NUMA1: variants seen among roughly 807,000 people sequenced by gnomAD.
NUMA1 encodes the protein nuclear mitotic apparatus protein 1, also known as SP-H antigen.
NUMA1 carries 62 observed loss-of-function variants against 237.1 expected under a neutral mutation model. That is an observed-to-expected ratio of 0.26 (90% CI 0.21 to 0.32). NUMA1 has a LOEUF of 0.32. Ranked by LOEUF, NUMA1 falls within the 10% of genes least tolerant of loss-of-function variation. NUMA1 has a pLI of 1.00. For missense variants in NUMA1, 2,533 were observed against 2,666.5 expected, an observed-to-expected ratio of 0.95 and a Z score of 1.10; for synonymous variants, 1,028 against 1,066.1, an observed-to-expected ratio of 0.96 and a Z score of 0.70.
In NUMA1 at chr11:72,004,827, G is replaced by A. The variant is rs745523375; in HGVS notation, c.5830-11C>T. 6 of 1,556,346 alleles carry A rather than the reference G, an allele frequency of 3.9e-6. No homozygotes were observed. In the Middle Eastern group the frequency reaches 5.3e-4, roughly 136 times the overall value. ...CAGGCTCAGGGAAGGCTGCATGGGT[G>A]GAAGAGGTGGTCAGTGGACCATAGC... On this transcript the variant is annotated splice_polypyrimidine_tract_variant and intron_variant, in intron 23 of 26. Coordinates refer to ENST00000393695, the MANE Select transcript of NUMA1 (RefSeq NM_006185.4).
intron 5 of NUMA1, among the ~76,000 whole-genome samples, chr11:72,023,379 G>A (rs568508723): frequency 2.0e-5 from 3 of 152,224 alleles, no homozygotes; most frequent in Admixed American, 2.0e-4. Flanking sequence ...AGCAGCCTCG[G>A]AATTCACAGC....
At position 72,056,524 on chromosome 11, in the gene NUMA1, G is replaced by A. The variant is rs181447984; in HGVS notation, c.-33+13318C>T. Among the ~76,000 whole-genome samples, 1,186 of 150,528 alleles carry A rather than the reference G, an allele frequency of 7.9e-3. 11 individuals are homozygous for A. The highest frequency in any genetic ancestry group is 0.028 in the African/African-American group (1,132 of 40,916). On this transcript the variant is annotated intron_variant, in intron 2 of 26. Transcript: ENST00000393695. Reference sequence around the variant, plus strand: ...TTTAGTAGGGACAGGGTTTTACTATGTTGGCCAGGCTGGTCTTGAACTCCT... The same window carrying A: ...TTTAGTAGGGACAGGGTTTTACTATATTGGCCAGGCTGGTCTTGAACTCCT...
At chr11:72,037,225 G>A (rs1260489298) in intron 2 of NUMA1, among the ~76,000 whole-genome samples, 4 of 152,174 alleles carry the variant, frequency 2.6e-5, no homozygotes, top group Admixed American at 1.3e-4. Flanking sequence ...GATCATCCTC[G>A]CTGGGAGCAG....
Position 72,013,134 on chromosome 11 carries a change from G to A in NUMA1, c.4369C>T (p.Arg1457Trp), listed in dbSNP as rs758505992. The part of the protein sequence containing the change: ...LAEENRGLGE[R>W]ANLGRQFLEV... ...AGAAACTGCCGGCCAAGGTTGGCCC[G>A]CTCACCCAGCCCCCGGTTCTCCTCT... is the stretch of plus-strand genomic sequence containing the variant. The change falls in exon 15 of 27, where the codon CGG becomes TGG. Residue 1457 changes from arginine to tryptophan, a missense_variant. Around this residue, in one of 3 missense-constraint regions of NUMA1, gnomAD observed 324 missense variants for 407.6 expected, o/e 0.79. Coordinates refer to ENST00000393695, the MANE Select transcript of NUMA1 (RefSeq NM_006185.4). The surrounding 1 kb of genome is among the most constrained non-coding windows in gnomAD (Gnocchi z 6.8). 5 of 1,614,080 alleles carry A rather than the reference G, an allele frequency of 3.1e-6. No individual in the cohort carries two copies. The highest frequency in any genetic ancestry group is 3.4e-6 in the Non-Finnish European group (4 of 1,180,036).
chr11:72,058,320 T>C (rs1942772654), intron 2 of NUMA1, among the ~76,000 whole-genome samples: 2 of 152,360 alleles, frequency 1.3e-5, no homozygotes, highest in South Asian at 4.1e-4. Context: ...AGGGTTTTGT[T>C]GTTCTCTGTT....
At chr11:72,059,728 A>T (rs956783392) in intron 2 of NUMA1, among the ~76,000 whole-genome samples, 1 of 152,238 alleles carries the variant, frequency 6.6e-6, no homozygotes, top group Non-Finnish European at 1.5e-5. Flanking sequence ...CTAATTTTAC[A>T]CACAAGCTAA....
chr11:72,069,863 C>G lies in NUMA1; in HGVS notation c.-54G>C, dbSNP rs1162845960. On this transcript the variant is annotated 5_prime_UTR_variant, in exon 2 of 27. Transcript: ENST00000393695. ...TTACCTCCTGGTGGAAGCCTCCACA[C>G]ACTAGAACAGGGTGATCTCCAGCAG... is the stretch of plus-strand genomic sequence containing the variant. 6.6e-6 allele frequency: 1 copy of G among 152,232 alleles called. No individual in the cohort carries two copies. The highest frequency in any genetic ancestry group is 2.4e-5 in the African/African-American group (1 of 41,412). The allele number at this position is 152,232 out of a possible 1,614,324, so 9.4% of individuals were successfully genotyped here. A position where few individuals can be genotyped will look rare whatever the true frequency, so the allele number is the denominator to read the frequency against.
At position 72,006,037 on chromosome 11, in the gene NUMA1, G is replaced by A. The variant is rs1955663700; in HGVS notation, c.5690C>T (p.Pro1897Leu). Residue 1897 changes from proline (P) to leucine (L), a missense_variant and splice_region_variant, in exon 22 of 27, where the codon CCA becomes CTA. Transcript: ENST00000393695. ...SQAGVSSGAPPGRNSFYMGTC... is the reference protein window; with the variant it reads ...SQAGVSSGAPLGRNSFYMGTC... Reference sequence around the variant, plus strand: ...GTAAGTCCCTGTAGTCCCCTCACCTGGAGGGGCCCCACTGGACACCCCGGC... The same window carrying A: ...GTAAGTCCCTGTAGTCCCCTCACCTAGAGGGGCCCCACTGGACACCCCGGC... 6 of 1,610,044 alleles carry A rather than the reference G, an allele frequency of 3.7e-6. 1 individual carries two copies. Among genetic ancestry groups the A allele is most frequent in the Middle Eastern group, 3.3e-4 (2 of 6,070 alleles).
intron 21 of NUMA1, 34 bp from the exon 22 acceptor site, chr11:72,006,297 G>A (rs773987753): frequency 6.3e-7 from 1 of 1,587,372 alleles, no homozygotes; most frequent in Admixed American, 1.7e-5. Context: ...GCAGTGTACA[G>A]TCCCTGGCAC....
chr11:72,011,692 T>C (rs1956173429), intron 16 of NUMA1, among the ~76,000 whole-genome samples: 1 of 152,064 alleles, frequency 6.6e-6, no homozygotes, highest in Non-Finnish European at 1.5e-5. Context: ...GGGTGCTCTA[T>C]AGCCTCGATG....
chr11:72,075,034 AAAATAAAT>A (rs35313309), intron 1 of NUMA1, among the ~76,000 whole-genome samples: 26 of 148,454 alleles, frequency 1.8e-4, no homozygotes, highest in South Asian at 6.3e-4. Flanking sequence ...ACTCCATCTC[AAAATAAAT>A]AAATAAATAA....
chr11:72,013,412 T>C lies in NUMA1; in HGVS notation c.4091A>G (p.Lys1364Arg), dbSNP rs1243327354. 1 of 1,612,862 alleles carries C rather than the reference T, an allele frequency of 6.2e-7. No individual in the cohort carries two copies. Among genetic ancestry groups the C allele is most frequent in the African/African-American group, 1.3e-5 (1 of 75,058 alleles). ...QALVSELLPA[K>R]HLCQQLQAEQ... is the part of the protein sequence containing the mutation. Reference sequence around the variant, plus strand: ...GGCCTGCAGCTGCTGGCAGAGGTGCTTAGCTGGCAGCAGCTCACTCACCAG... The same window carrying C: ...GGCCTGCAGCTGCTGGCAGAGGTGCCTAGCTGGCAGCAGCTCACTCACCAG... Residue 1364 changes from lysine (K) to arginine (R), a missense_variant, in exon 15 of 27, where the codon AAG (lysine) becomes AGG (arginine). Lys to Arg is a conservative substitution (Grantham distance 26, BLOSUM62 2). This residue lies in a region of NUMA1 where 324 missense variants were observed against 407.6 expected (regional missense o/e 0.79). Transcript: ENST00000393695. This position sits in a 1 kb window ranked among gnomAD's most constrained non-coding sequence, Gnocchi z 6.8.
At chr11:72,004,575 C>A in intron 24 of NUMA1, 65 bp downstream of exon 24, 1 of 1,528,274 alleles carries the variant, frequency 6.5e-7, no homozygotes. Context: ...TCCCTTTAGT[C>A]CTTGGTGAGC....
At chr11:72,077,300 T>A (rs1288166025) in intron 1 of NUMA1, among the ~76,000 whole-genome samples, 1 of 152,064 alleles carries the variant, frequency 6.6e-6, no homozygotes. Context: ...TTAAGAAAAT[T>A]AAATTCACAC....
intron 2 of NUMA1, among the ~76,000 whole-genome samples, chr11:72,050,285 T>C (rs1361448923): frequency 6.6e-6 from 1 of 152,214 alleles, no homozygotes; most frequent in Non-Finnish European, 1.5e-5. Context: ...TACTTTATCA[T>C]CCCTGTCCTA....
chr11:72,049,560 A>AAT lies in NUMA1; in HGVS notation c.-32-13587_-32-13586dup, dbSNP rs1555034472. On this transcript the variant is annotated intron_variant, in intron 2 of 26. Transcript: ENST00000393695. ...CCTGTCTAAAAAAAAAAATAATAATAATATATATATATATATATATATAGT... is the reference window on the plus strand; with the variant it reads ...CCTGTCTAAAAAAAAAAATAATAATAATATATATATATATATATATATATAGT... The AAT allele has an allele frequency of 6.2e-3, 255 of 41,024 alleles. 23 individuals are homozygous for AAT. Among genetic ancestry groups the AAT allele is most frequent in the African/African-American group, 0.013 (152 of 11,834 alleles). The allele number at this position is 41,024 out of a possible 1,614,324, so 2.5% of individuals were successfully genotyped here.
chr11:72,079,644 C>T (rs1943951435), intron 1 of NUMA1, among the ~76,000 whole-genome samples: 1 of 151,780 alleles, frequency 6.6e-6, no homozygotes, highest in African/African-American at 2.4e-5. Flanking sequence ...ACAATCTTCA[C>T]ACAGTCACAC....
chr11:72,074,594 C>T (rs1234117280), intron 1 of NUMA1, among the ~76,000 whole-genome samples: 1 of 151,682 alleles, frequency 6.6e-6, no homozygotes, highest in African/African-American at 2.4e-5. Context: ...AAAAGAGTTG[C>T]CAGGCACAGT....
intron 20 of NUMA1, chr11:72,008,401 A>G (rs1257964165): frequency 8.8e-6 from 4 of 454,032 alleles, no homozygotes; most frequent in Admixed American, 6.9e-5. Flanking sequence ...CAGCTTAGTC[A>G]GGCTCTTTCA....
Sources: allele counts gnomAD v4.1 joint callset (sites outside exome capture counted in the v4.1 genomes callset), GRCh38; gene constraint gnomAD v4.1.1; regional missense constraint gnomAD v4.1.1; non-coding constraint Gnocchi (gnomAD v3.1); transcripts MANE v1.5; gene names NCBI Gene and HGNC (gene_info 2026-07-23, HGNC 2026-07-21).